PCDHGB1: variants seen among roughly 807,000 people sequenced by gnomAD.
PCDHGB1 encodes protocadherin gamma subfamily B, 1.
A neutral mutation model predicts 56.6 loss-of-function variants in PCDHGB1; 34 were observed. That is an observed-to-expected ratio of 0.60 (90% confidence interval 0.46 to 0.80). The LOEUF (loss-of-function observed/expected upper bound fraction) is 0.80. Among genes scored for constraint, PCDHGB1 ranks in the 30% least tolerant of loss-of-function variants. The pLI is 0.00. For missense variants in PCDHGB1, 1,278 were observed against 1,204.6 expected, an observed-to-expected ratio of 1.06 and a Z score of -0.90; for synonymous variants, 561 against 505.9, an observed-to-expected ratio of 1.11 and a Z score of -1.46.
At position 141,491,546 on chromosome 5, in the gene PCDHGB1, C is replaced by T; in HGVS notation, c.2410-3261C>T. ...GAGGTGACGCTGCGGCCCACAGACT[C>T]GCAGAGCCACTGCTACAGGACGTGC... On this transcript the variant is annotated intron_variant, in intron 1 of 3. Transcript: ENST00000523390. This position sits in a 1 kb window ranked among gnomAD's most constrained non-coding sequence, Gnocchi z 6.9. 1.9e-6 allele frequency: 3 copies of T among 1,614,038 alleles called. No homozygotes were observed. Among genetic ancestry groups the T allele is most frequent in the Non-Finnish European group, 2.5e-6 (3 of 1,180,024 alleles).
In PCDHGB1 at chr5:141,432,571, G is replaced by C; in HGVS notation, c.2410-62236G>C. On this transcript the variant is annotated intron_variant, in intron 1 of 3. Transcript: ENST00000523390. The surrounding 1 kb of genome is among the most constrained non-coding windows in gnomAD (Gnocchi z 6.0). ...GAGACTCCGGCCAGAACGCCTGGCT[G>C]TCCTACCGTCTGCTCAAGGCCAGCG... The C allele has an allele frequency of 6.2e-7, 1 of 1,613,954 alleles. No individual in the cohort carries two copies. The highest frequency in any genetic ancestry group is 8.5e-7 in the Non-Finnish European group (1 of 1,179,992).
chr5:141,403,343 C>T (rs774711306), intron 1 of PCDHGB1: 10 of 1,614,000 alleles, frequency 6.2e-6, no homozygotes, highest in Admixed American at 1.7e-5. Context: ...CGACAGCGCC[C>T]CAAAGTTCCA....
In PCDHGB1 at chr5:141,432,695, G is replaced by A. The variant is rs1275179569; in HGVS notation, c.2410-62112G>A. ...GCTCAAGCAGAGCCTCGTAGTGGCC[G>A]TCCAGGACCACGGCCAGCCCCCTCT... On this transcript the variant is annotated intron_variant, in intron 1 of 3. Coordinates refer to ENST00000523390, the MANE Select transcript of PCDHGB1 (RefSeq NM_018922.3). This position sits in a 1 kb window ranked among gnomAD's most constrained non-coding sequence, Gnocchi z 6.0. The A allele has an allele frequency of 3.1e-6, 5 of 1,613,822 alleles. No homozygotes were observed. The highest frequency in any genetic ancestry group is 1.7e-5 in the Admixed American group (1 of 60,002).
At chr5:141,391,149 G>C (rs1487749660) in intron 1 of PCDHGB1, 1 of 152,032 alleles carries the variant, frequency 6.6e-6, no homozygotes, top group Non-Finnish European at 1.5e-5. Context: ...CTCTAGGAAA[G>C]AAATATAGTC....
At chr5:141,409,148 A>C (rs2154541051) in intron 1 of PCDHGB1, 1 of 1,614,056 alleles carries the variant, frequency 6.2e-7, no homozygotes. Context: ...AGAAAGGTAC[A>C]CCATGGAAGT....
At position 141,494,758 on chromosome 5, in the gene PCDHGB1, T is replaced by C. The variant is rs370692038; in HGVS notation, c.2410-49T>C. ...CCATCCCTAGGGGCTCGGGTGACAT[T>C]CTAACTTCTCACGGGTACTCAGCCC... On this transcript the variant is annotated intron_variant, in intron 1 of 3. Transcript: ENST00000523390. The C allele has an allele frequency of 1.3e-5, 21 of 1,613,682 alleles. No homozygotes were observed. The African/African-American group carries it at 2.7e-4, about 21-fold the overall frequency.
chr5:141,385,150 C>A (rs1780929292), intron 1 of PCDHGB1: 1 of 1,614,104 alleles, frequency 6.2e-7, no homozygotes, highest in South Asian at 1.1e-5. Flanking sequence ...GGCTTTCCTG[C>A]AGACCTATTC....
At chr5:141,484,352 T>A (rs112226980) in intron 1 of PCDHGB1, among the ~76,000 whole-genome samples, 8,127 of 152,270 alleles carry the variant, frequency 0.053, 445 homozygotes, top group African/African-American at 0.15. Context: ...TAATTTAGTG[T>A]ATCTAGTGTA....
chr5:141,351,789 T>C lies in PCDHGB1; in HGVS notation c.1529T>C (p.Val510Ala). ...YVSVSPQSGVVFAQRAFDHEQ... is the reference protein window; with the variant it reads ...YVSVSPQSGVAFAQRAFDHEQ... ...TCCGTGAGCCCGCAGAGCGGGGTGG[T>C]GTTCGCGCAGCGCGCCTTCGACCAC... is the stretch of plus-strand genomic sequence containing the variant. The change falls in exon 1 of 4, where the codon GTG becomes GCG. Residue 510 changes from valine to alanine, a missense_variant. By Grantham distance (64) the Val-to-Ala change is moderately conservative (BLOSUM62 0). Transcript: ENST00000523390. 6.2e-7 allele frequency: 1 copy of C among 1,613,364 alleles called. No homozygotes were observed.
rs1246750536 is a variant in PCDHGB1 at position 141,386,428 on chromosome 5, C to T, written c.2409+33759C>T. On this transcript the variant is annotated intron_variant, in intron 1 of 3. Coordinates refer to ENST00000523390, the MANE Select transcript of PCDHGB1 (RefSeq NM_018922.3). ...TATGGTGTTGCAAGCTGTAGCCCAC[C>T]TGCATGGGAGGCTGAGGCAAGAGGA... Among the ~76,000 whole-genome samples the T allele has an allele frequency of 3.3e-5, 5 of 152,036 alleles. No individual in the cohort carries two copies. In the South Asian group the frequency reaches 6.2e-4, roughly 19 times the overall value.
intron 1 of PCDHGB1, chr5:141,391,507 T>C (rs2092381186): frequency 6.6e-6 from 1 of 152,172 alleles, no homozygotes; most frequent in Non-Finnish European, 1.5e-5. Context: ...AGAAAATATT[T>C]TCTTTCACTA....
In PCDHGB1 at chr5:141,440,050, G is replaced by C. The variant is rs747798063; in HGVS notation, c.2410-54757G>C. On this transcript the variant is annotated intron_variant, in intron 1 of 3. Coordinates refer to ENST00000523390, the MANE Select transcript of PCDHGB1 (RefSeq NM_018922.3). ...GTGTCGAGGACATGCCCACTTGAAA[G>C]CTTCGGGTTAATGCTGAGGAATAAT... 6 of 152,826 alleles carry C rather than the reference G, an allele frequency of 3.9e-5. No homozygotes were observed. The East Asian group carries it at 1.2e-3, about 29-fold the overall frequency. 9.5% of individuals were successfully genotyped at this position (152,826 alleles called of 1,614,324 possible). A position where few individuals can be genotyped will look rare whatever the true frequency, so the allele number is the denominator to read the frequency against.
intron 1 of PCDHGB1, among the ~76,000 whole-genome samples, chr5:141,453,315 T>A (rs1410108522): frequency 6.6e-6 from 1 of 151,214 alleles, no homozygotes; most frequent in African/African-American, 2.5e-5. Context: ...TTATTTATTT[T>A]AGAGATGGGG....
At position 141,400,239 on chromosome 5, in the gene PCDHGB1, T is replaced by G. The variant is rs1306520918; in HGVS notation, c.2409+47570T>G. Reference sequence around the variant, plus strand: ...CAGTGCTCTTCCTCCTGGCCGTGATTCTGGCCGTTGCCTTGCGCCTGCGAC... The same window carrying G: ...CAGTGCTCTTCCTCCTGGCCGTGATGCTGGCCGTTGCCTTGCGCCTGCGAC... On this transcript the variant is annotated intron_variant, in intron 1 of 3. Coordinates refer to ENST00000523390, the MANE Select transcript of PCDHGB1 (RefSeq NM_018922.3). 1.9e-6 allele frequency: 3 copies of G among 1,614,054 alleles called. No individual in the cohort carries two copies. The highest frequency in any genetic ancestry group is 2.2e-5 in the East Asian group (1 of 44,880).
In PCDHGB1 at chr5:141,461,525, A is replaced by T. The variant is rs966592635; in HGVS notation, c.2410-33282A>T. ...TTGGTGATTTGTTAGTTCCTTGTAGATTCTGGATACTAGTCCTTTGTCAGA... is the reference window on the plus strand; with the variant it reads ...TTGGTGATTTGTTAGTTCCTTGTAGTTTCTGGATACTAGTCCTTTGTCAGA... On this transcript the variant is annotated intron_variant, in intron 1 of 3. Coordinates refer to ENST00000523390, the MANE Select transcript of PCDHGB1 (RefSeq NM_018922.3). 5.3e-5 allele frequency among the ~76,000 whole-genome samples: 8 copies of T among 152,106 alleles called. No individual in the cohort carries two copies. The South Asian group carries it at 1.7e-3, about 31-fold the overall frequency.
chr5:141,477,814 G>C lies in PCDHGB1; in HGVS notation c.2410-16993G>C, dbSNP rs780195618. The C allele has an allele frequency of 1.2e-6, 2 of 1,614,110 alleles. No homozygotes were observed. The highest frequency in any genetic ancestry group is 1.1e-5 in the South Asian group (1 of 91,074). On this transcript the variant is annotated intron_variant, in intron 1 of 3. Coordinates refer to ENST00000523390, the MANE Select transcript of PCDHGB1 (RefSeq NM_018922.3). The surrounding 1 kb of genome is among the most constrained non-coding windows in gnomAD (Gnocchi z 4.9). ...CTGATCGCAATGACAATGCCCCCCA[G>C]GTCCTATATCCTCGGCCAGGTGGGA... is the stretch of plus-strand genomic sequence containing the variant.
At chr5:141,417,635 G>A in intron 1 of PCDHGB1, 1 of 724,902 alleles carries the variant, frequency 1.4e-6, no homozygotes, top group Non-Finnish European at 2.1e-6. Context: ...CTGACGCCGG[G>A]GATCCCTCAG....
intron 1 of PCDHGB1, among the ~76,000 whole-genome samples, chr5:141,453,996 C>T (rs2098779349): frequency 6.6e-6 from 1 of 152,128 alleles, no homozygotes; most frequent in Admixed American, 6.6e-5. Context: ...GTGATAAACC[C>T]ACATAACATT....
chr5:141,415,740 G>GTTTTTTTTTTTTTTTTTTTGTTT, intron 1 of PCDHGB1: 1 of 617,992 alleles, frequency 1.6e-6, no homozygotes, highest in Non-Finnish European at 2.1e-6. Flanking sequence ...GTTTATTAAG[G>GTTTTTTTTTTTTTTTTTTTGTTT]TTTTTTTTTT....
Sources: allele counts gnomAD v4.1 joint callset (sites outside exome capture counted in the v4.1 genomes callset), GRCh38; gene constraint gnomAD v4.1.1; non-coding constraint Gnocchi (gnomAD v3.1); transcripts MANE v1.5; gene names NCBI Gene and HGNC (gene_info 2026-07-23, HGNC 2026-07-21).